Variants in MTSS1 observed in about 807,000 individuals in gnomAD.
The protein encoded by MTSS1 is MTSS I-BAR domain containing 1.
In MTSS1, 18 loss-of-function variants were observed where a neutral mutation model predicts 79.0. The ratio of observed to expected loss-of-function variants is 0.23; its 90% CI spans 0.16 to 0.34. The LOEUF (loss-of-function observed/expected upper bound fraction) is 0.34, where lower values mean the gene tolerates loss of function less well. Among genes scored for constraint, MTSS1 ranks in the 10% least tolerant of loss-of-function variants. The probability of loss-of-function intolerance (pLI) is 1.00; values close to 1 mark genes in which losing one functional copy is unlikely to be tolerated. For missense variants in MTSS1, 815 were observed against 986.2 expected (o/e 0.83, Z 2.33); for synonymous variants, 341 against 368.6 (o/e 0.93, Z 0.86).
intron 2 of MTSS1, among the ~76,000 whole-genome samples, chr8:124,702,633 C>T (rs921596510): frequency 1.3e-5 from 2 of 152,168 alleles, no homozygotes; most frequent in Non-Finnish European, 2.9e-5. Context: ...TGGGCAGTGA[C>T]CCCTGGTGTC....
At chr8:124,563,657 C>T (rs974325414) in intron 9 of MTSS1, among the ~76,000 whole-genome samples, 5 of 152,240 alleles carry the variant, frequency 3.3e-5, no homozygotes, top group African/African-American at 1.2e-4. Flanking sequence ...CCAGCTGTTT[C>T]TGTGTTAAAA....
At chr8:124,646,052 G>A (rs1444129400) in intron 3 of MTSS1, among the ~76,000 whole-genome samples, 1 of 152,118 alleles carries the variant, frequency 6.6e-6, no homozygotes, top group Non-Finnish European at 1.5e-5. Flanking sequence ...ACACTTAATG[G>A]ACAGTGAGGG....
intron 6 of MTSS1, among the ~76,000 whole-genome samples, chr8:124,569,978 T>C (rs1217293787): frequency 6.6e-6 from 1 of 152,198 alleles, no homozygotes; most frequent in African/African-American, 2.4e-5. Flanking sequence ...TAGAGAACAT[T>C]AAATGCAATG....
rs1201362299 is a variant in MTSS1 at position 124,556,295 on chromosome 8, G to A, written c.1341C>T (p.Gly447=). ...GAGCCTCCTCAGCTGCTGCAGGTGG[G>A]CCGCTGGCGGTAGTGGGTCCTCCCC... ...PNGGGPTTAS[G]PPAAAEEAQR... is the part of the protein sequence containing the mutation. Residue 447 remains glycine (G), a synonymous_variant, in exon 12 of 14, where the codon GGC becomes GGT. Transcript: ENST00000518547. The A allele has an allele frequency of 6.2e-7, 1 of 1,614,070 alleles. No homozygotes were observed. Among genetic ancestry groups the A allele is most frequent in the African/African-American group, 1.3e-5 (1 of 74,952 alleles).
At chr8:124,615,957 C>T (rs1836765876) in intron 3 of MTSS1, among the ~76,000 whole-genome samples, 3 of 152,180 alleles carry the variant, frequency 2.0e-5, no homozygotes, top group African/African-American at 4.8e-5. Flanking sequence ...GGCAGCCGGG[C>T]CCCATGGCCT....
chr8:124,555,497 T>C (rs1293621577), intron 13 of MTSS1, among the ~76,000 whole-genome samples: 2 of 152,232 alleles, frequency 1.3e-5, no homozygotes, highest in African/African-American at 2.4e-5. Flanking sequence ...CCACCTGCCT[T>C]GGCCTCCCAA....
At chr8:124,626,764 G>A (rs987591883) in intron 3 of MTSS1, among the ~76,000 whole-genome samples, 1 of 152,056 alleles carries the variant, frequency 6.6e-6, no homozygotes, top group African/African-American at 2.4e-5. Context: ...TTCTGTCTGG[G>A]ACTCTGGGTT....
At chr8:124,593,971 C>A (rs574808140) in intron 3 of MTSS1, among the ~76,000 whole-genome samples, 1 of 125,802 alleles carries the variant, frequency 7.9e-6, no homozygotes, top group African/African-American at 3.2e-5. Flanking sequence ...GCTTCTAGAG[C>A]CTGGCCCTGT....
intron 6 of MTSS1, among the ~76,000 whole-genome samples, chr8:124,575,161 C>A (rs929320285): frequency 3.9e-5 from 6 of 152,166 alleles, no homozygotes; most frequent in African/African-American, 1.2e-4. Context: ...CAAAAGGAGG[C>A]TATCCTCATT....
intron 3 of MTSS1, among the ~76,000 whole-genome samples, chr8:124,605,611 G>A (rs62530667): frequency 3.7e-5 from 4 of 109,486 alleles, no homozygotes; most frequent in East Asian, 5.1e-4. Context: ...CCCTGCCCTC[G>A]CGCTGCCTCC....
chr8:124,699,608 C>A lies in MTSS1; in HGVS notation c.135-9G>T. On this transcript the variant is annotated splice_polypyrimidine_tract_variant and intron_variant, in intron 2 of 13. Coordinates refer to ENST00000518547, the MANE Select transcript of MTSS1 (RefSeq NM_014751.6). ...CTGCTACTACTGTTGTCCTAAAATG[C>A]AAACAGATAACAAAAGCATAAGGAA... The A allele has an allele frequency of 6.2e-7, 1 of 1,613,664 alleles. No homozygotes were observed. The highest frequency in any genetic ancestry group is 8.5e-7 in the Non-Finnish European group (1 of 1,179,654).
At chr8:124,677,309 C>T (rs958762062) in intron 3 of MTSS1, among the ~76,000 whole-genome samples, 7 of 152,164 alleles carry the variant, frequency 4.6e-5, no homozygotes, top group African/African-American at 1.7e-4. Flanking sequence ...CCCAAGGGTA[C>T]TTTGCTTTAA....
At chr8:124,713,475 G>T (rs1301099332) in intron 1 of MTSS1, among the ~76,000 whole-genome samples, 1 of 152,176 alleles carries the variant, frequency 6.6e-6, no homozygotes, top group Non-Finnish European at 1.5e-5. Context: ...CAGGCTGGAG[G>T]TGCAGTGATG....
Position 124,728,023 on chromosome 8 carries a change from G to T in MTSS1, c.-68C>A. 7.0e-7 allele frequency: 1 copy of T among 1,424,128 alleles called. No homozygotes were observed. Among genetic ancestry groups the T allele is most frequent in the Non-Finnish European group, 9.8e-7 (1 of 1,021,254 alleles). The allele number at this position is 1,424,128 out of a possible 1,614,324, so 88.2% of individuals were successfully genotyped here. ...TGGACTGCGCGCGGGGCCGGGGCTC[G>T]CTCACCCCAGAAGGAATTTCACCTT... is the stretch of plus-strand genomic sequence containing the variant. On this transcript the variant is annotated 5_prime_UTR_variant, in exon 1 of 14. Coordinates refer to ENST00000518547, the MANE Select transcript of MTSS1 (RefSeq NM_014751.6). The surrounding 1 kb of genome is among the most constrained non-coding windows in gnomAD (Gnocchi z 6.1).
intron 4 of MTSS1, 62 bp from the exon 5 acceptor site, chr8:124,589,773 T>G (rs1249044643): frequency 7.5e-6 from 9 of 1,203,810 alleles, no homozygotes; most frequent in Non-Finnish European, 1.1e-5. Context: ...TGTCAGGATT[T>G]AAATGTGGTT....
chr8:124,651,332 G>A (rs1819920618), intron 3 of MTSS1, among the ~76,000 whole-genome samples: 1 of 152,178 alleles, frequency 6.6e-6, no homozygotes, highest in African/African-American at 2.4e-5. Flanking sequence ...TCAAGAACTT[G>A]AGCGTGACAT....
intron 9 of MTSS1, among the ~76,000 whole-genome samples, chr8:124,563,797 C>T (rs949010721): frequency 1.4e-4 from 21 of 152,232 alleles, no homozygotes; most frequent in African/African-American, 5.1e-4. Context: ...ATGACACACC[C>T]GCTCTGGATT....
chr8:124,611,099 C>G (rs1835711350), intron 3 of MTSS1, among the ~76,000 whole-genome samples: 1 of 138,148 alleles, frequency 7.2e-6, no homozygotes, highest in Non-Finnish European at 1.5e-5. Context: ...ACAAACCCAC[C>G]AGACAGACCC....
chr8:124,613,354 G>T (rs535108032), intron 3 of MTSS1, among the ~76,000 whole-genome samples: 8 of 152,242 alleles, frequency 5.3e-5, no homozygotes, highest in African/African-American at 1.9e-4. Flanking sequence ...TGAGTGCCAG[G>T]CCCTGTGCAC....
Sources: gnomAD v4.1 joint callset for allele counts (sites outside exome capture counted in the v4.1 genomes callset) on GRCh38, gnomAD v4.1.1 for gene constraint, Gnocchi (gnomAD v3.1) non-coding constraint, MANE v1.5 for transcripts, NCBI Gene and HGNC (gene_info 2026-07-23, HGNC 2026-07-21) for gene names.